PRKN: variants seen among roughly 807,000 people sequenced by gnomAD.
PRKN encodes the protein E3 ubiquitin-protein ligase parkin.
Under a neutral mutation model 59.5 loss-of-function variants are expected in PRKN, and 56 were observed. The ratio of observed to expected loss-of-function variants is 0.94; its 90% CI spans 0.76 to 1.18. The LOEUF is 1.18. Ranked by LOEUF, PRKN falls within the 50% of genes most tolerant of loss-of-function variation. The probability of loss-of-function intolerance (pLI) is 0.00; values close to 1 mark genes in which losing one functional copy is unlikely to be tolerated. For missense variants in PRKN, 657 were observed against 596.4 expected (o/e 1.10, Z -1.06); for synonymous variants, 250 against 222.1 (o/e 1.13, Z -1.12).
chr6:161,876,998 A>G (rs1450762033), intron 6 of PRKN, among the ~76,000 whole-genome samples: 1 of 152,172 alleles, frequency 6.6e-6, no homozygotes, highest in Admixed American at 6.5e-5. Context: ...CTCATTTGCA[A>G]TCTAGAGACC....
chr6:161,370,800 A>T (rs1432004093), intron 10 of PRKN, among the ~76,000 whole-genome samples: 1 of 152,240 alleles, frequency 6.6e-6, no homozygotes, highest in Non-Finnish European at 1.5e-5. Context: ...AGCAGTTGTC[A>T]TTAATCATGA....
Position 161,544,078 on chromosome 6 carries a change from A to T in PRKN, c.1083+4776T>A, listed in dbSNP as rs1403294862. Among the ~76,000 whole-genome samples, 1 of 152,222 alleles carries T rather than the reference A, an allele frequency of 6.6e-6. No homozygotes were observed. Among genetic ancestry groups the T allele is most frequent in the Non-Finnish European group, 1.5e-5 (1 of 68,030 alleles). Reference sequence around the variant, plus strand: ...CTAGACTAGTATTTGGTACCAAAATACATTCTCTGCTGCGTTCTATCTATG... The same window carrying T: ...CTAGACTAGTATTTGGTACCAAAATTCATTCTCTGCTGCGTTCTATCTATG... On this transcript the variant is annotated intron_variant, in intron 9 of 11. Transcript: ENST00000366898. This position sits in a 1 kb window ranked among gnomAD's most constrained non-coding sequence, Gnocchi z 5.5.
At chr6:162,336,862 T>C (rs1363487123) in intron 2 of PRKN, among the ~76,000 whole-genome samples, 1 of 152,146 alleles carries the variant, frequency 6.6e-6, no homozygotes, top group Non-Finnish European at 1.5e-5. Context: ...CCCAAAAATG[T>C]GAGAAGCAGT....
In PRKN at chr6:161,939,391, C is replaced by T. The variant is rs146490567; in HGVS notation, c.734+33911G>A. On this transcript the variant is annotated intron_variant, in intron 6 of 11. Coordinates refer to ENST00000366898, the MANE Select transcript of PRKN (RefSeq NM_004562.3). ...TGAGATCGTTCCACTGCACTCCAGG[C>T]CTGGGTGACAGAGAGAGACTCTGTC... is the stretch of plus-strand genomic sequence containing the variant. Among the ~76,000 whole-genome samples, 620 of 124,576 alleles carry T rather than the reference C, an allele frequency of 5.0e-3. 3 individuals are homozygous for T. Among genetic ancestry groups the T allele is most frequent in the African/African-American group, 0.018 (582 of 32,372 alleles). 81.7% of individuals were successfully genotyped at this position (124,576 alleles called of 152,430 possible). A position where few individuals can be genotyped will look rare whatever the true frequency, so the allele number is the denominator to read the frequency against.
chr6:161,881,373 C>T (rs986549893), intron 6 of PRKN, among the ~76,000 whole-genome samples: 1 of 152,102 alleles, frequency 6.6e-6, no homozygotes, highest in Admixed American at 6.5e-5. Context: ...AAACTACAAG[C>T]GTCGGAAAAA....
At chr6:162,712,227 A>C (rs1778563558) in intron 1 of PRKN, among the ~76,000 whole-genome samples, 1 of 152,118 alleles carries the variant, frequency 6.6e-6, no homozygotes. Flanking sequence ...TGGGATACCA[A>C]GACTGCATTG....
At chr6:161,816,353 G>A (rs1039981359) in intron 6 of PRKN, among the ~76,000 whole-genome samples, 1 of 152,104 alleles carries the variant, frequency 6.6e-6, no homozygotes, top group African/African-American at 2.4e-5. Flanking sequence ...GAGATGAGAA[G>A]GGGAGGCAGA....
chr6:162,125,939 C>T (rs1269292407), intron 4 of PRKN, among the ~76,000 whole-genome samples: 3 of 152,140 alleles, frequency 2.0e-5, no homozygotes, highest in Non-Finnish European at 4.4e-5. Context: ...CTACGAAGAT[C>T]GTCAGATCTA....
intron 2 of PRKN, among the ~76,000 whole-genome samples, chr6:162,348,767 T>C (rs1420321767): frequency 6.6e-6 from 1 of 152,034 alleles, no homozygotes; most frequent in Non-Finnish European, 1.5e-5. Context: ...GACTGTAATT[T>C]ACCCAATACT....
chr6:162,088,857 T>A (rs951361972), intron 4 of PRKN, among the ~76,000 whole-genome samples: 11 of 152,172 alleles, frequency 7.2e-5, no homozygotes, highest in African/African-American at 2.7e-4. Context: ...ATAAACGGCA[T>A]ATGCAAAAGA....
At chr6:161,597,377 G>A (rs1334189763) in intron 7 of PRKN, among the ~76,000 whole-genome samples, 1 of 152,182 alleles carries the variant, frequency 6.6e-6, no homozygotes, top group Non-Finnish European at 1.5e-5. Context: ...TGCATAGCTA[G>A]GGCTTATTGA....
rs1791523005 is a variant in PRKN, at chr6:161,483,725, TG to T, written c.1083+65128del. On this transcript the variant is annotated intron_variant, in intron 9 of 11. Transcript: ENST00000366898. This position sits in a 1 kb window ranked among gnomAD's most constrained non-coding sequence, Gnocchi z 5.0. ...TTCTTAAGGCATGGGAGTGGCATAG[TG>T]AGATCCTGGCAGGAGCACTGTTCAC... Among the ~76,000 whole-genome samples the T allele has an allele frequency of 6.6e-6, 1 of 152,124 alleles. No individual in the cohort carries two copies. Among genetic ancestry groups the T allele is most frequent in the Non-Finnish European group, 1.5e-5 (1 of 68,024 alleles).
rs549124616 is a variant in PRKN at position 161,716,080 on chromosome 6, C to A, written c.871+69692G>T. 8.5e-4 allele frequency: 1,135 copies of A among 1,343,068 alleles called. 10 individuals carry two copies. The African/African-American group carries it at 0.016, about 18-fold the overall frequency. 83.2% of individuals were successfully genotyped at this position (1,343,068 alleles called of 1,614,324 possible). Reference sequence around the variant, plus strand: ...CTGTGCTGGGCCCATCTTACCGACTCCTCTCCTGAATCCCCCCAGAGCTCC... The same window carrying A: ...CTGTGCTGGGCCCATCTTACCGACTACTCTCCTGAATCCCCCCAGAGCTCC... On this transcript the variant is annotated intron_variant, in intron 7 of 11. Coordinates refer to ENST00000366898, the MANE Select transcript of PRKN (RefSeq NM_004562.3).
At chr6:162,085,452 C>G (rs1779212596) in intron 4 of PRKN, among the ~76,000 whole-genome samples, 1 of 151,912 alleles carries the variant, frequency 6.6e-6, no homozygotes, top group Non-Finnish European at 1.5e-5. Flanking sequence ...GTGTGTTAAA[C>G]TTTGTATTAA....
intron 2 of PRKN, among the ~76,000 whole-genome samples, chr6:162,280,684 G>A (rs138007829): frequency 2.6e-5 from 4 of 151,440 alleles, no homozygotes; most frequent in Admixed American, 6.6e-5. Flanking sequence ...CCAGCTACTC[G>A]GGAGGCTGAG....
rs1778986685 is a variant in PRKN at position 161,525,566 on chromosome 6, A to G, written c.1083+23288T>C. Among the ~76,000 whole-genome samples the G allele has an allele frequency of 6.6e-6, 1 of 152,224 alleles. No individual in the cohort carries two copies. Among genetic ancestry groups the G allele is most frequent in the Non-Finnish European group, 1.5e-5 (1 of 68,034 alleles). On this transcript the variant is annotated intron_variant, in intron 9 of 11. Coordinates refer to ENST00000366898, the MANE Select transcript of PRKN (RefSeq NM_004562.3). The surrounding 1 kb of genome is among the most constrained non-coding windows in gnomAD (Gnocchi z 4.7). Reference sequence around the variant, plus strand: ...ATCAGAGAAGGAAAAATGATCAGAAAGCAAAGAGAGGAAAAGTTTAGTTTA... The same window carrying G: ...ATCAGAGAAGGAAAAATGATCAGAAGGCAAAGAGAGGAAAAGTTTAGTTTA...
chr6:162,665,140 T>C (rs1267696299), intron 1 of PRKN, among the ~76,000 whole-genome samples: 1 of 151,966 alleles, frequency 6.6e-6, no homozygotes, highest in Admixed American at 6.6e-5. Context: ...GGACGCCCCC[T>C]CTCACCACTC....
rs1009063382 is a variant in PRKN, at chr6:161,371,790, C to T, written c.1168-11585G>A. Among the ~76,000 whole-genome samples, 2 of 152,158 alleles carry T rather than the reference C, an allele frequency of 1.3e-5. No homozygotes were observed. The highest frequency in any genetic ancestry group is 2.4e-5 in the African/African-American group (1 of 41,434). On this transcript the variant is annotated intron_variant, in intron 10 of 11. Transcript: ENST00000366898. This position sits in a 1 kb window ranked among gnomAD's most constrained non-coding sequence, Gnocchi z 5.5. ...AGTAGCTGGGATTACAGGCATGCAC[C>T]ACCCCACCTCGCTAATTTTTGTATT...
At chr6:161,652,847 C>T (rs1311137924) in intron 7 of PRKN, among the ~76,000 whole-genome samples, 1 of 152,076 alleles carries the variant, frequency 6.6e-6, no homozygotes, top group Admixed American at 6.5e-5. Context: ...TCCAAAGAGC[C>T]CCAGGTGATG....
Sources: gnomAD v4.1 joint callset for allele counts (sites outside exome capture counted in the v4.1 genomes callset) on GRCh38, gnomAD v4.1.1 for gene constraint, Gnocchi (gnomAD v3.1) non-coding constraint, MANE v1.5 for transcripts, NCBI Gene and HGNC (gene_info 2026-07-23, HGNC 2026-07-21) for gene names.